Variants in RBFOX1 observed in about 807,000 individuals in gnomAD.
RBFOX1 encodes the protein RNA binding fox-1 homolog 1.
In RBFOX1, 8 loss-of-function variants were observed where a neutral mutation model predicts 57.7. The ratio of observed to expected loss-of-function variants is 0.14; its 90% CI spans 0.08 to 0.25. RBFOX1 has a LOEUF of 0.25. Ranked by LOEUF, RBFOX1 falls within the 10% of genes least tolerant of loss-of-function variation. The pLI, the probability that RBFOX1 is intolerant of heterozygous loss-of-function variation, is 1.00. For missense variants in RBFOX1, 611 were observed against 548.5 expected (o/e 1.11, Z -1.14); for synonymous variants, 326 against 222.4 (o/e 1.47, Z -4.15).
chr16:7,158,893 G>A lies in RBFOX1; in HGVS notation c.27+106795G>A, dbSNP rs140849361. Among the ~76,000 whole-genome samples the A allele has an allele frequency of 8.5e-5, 13 of 152,166 alleles. No individual in the cohort carries two copies. The East Asian group carries it at 1.5e-3, about 18-fold the overall frequency. On this transcript the variant is annotated intron_variant, in intron 4 of 15. Transcript: ENST00000550418. ...GTTTCTGTGGTGTGTCTTTGCACAC[G>A]TGTGTGTAATTATTTGTATTACAAA...
At chr16:5,572,883 G>A (rs910833292) in intron 2 of RBFOX1, among the ~76,000 whole-genome samples, 1 of 152,210 alleles carries the variant, frequency 6.6e-6, no homozygotes. Flanking sequence ...GTTGAGGCCA[G>A]ACAGGTAATG....
rs567761500 is a variant in RBFOX1, at chr16:5,947,897, G to A, written c.351+80562G>A. ...GTAACGGGAGTTTATGTAATTATTAGTTTGAATGGCTCTGCTCATTATGGT... is the reference window on the plus strand; with the variant it reads ...GTAACGGGAGTTTATGTAATTATTAATTTGAATGGCTCTGCTCATTATGGT... On this transcript the variant is annotated intron_variant, in intron 4 of 19. Coordinates refer to the RBFOX1 transcript ENST00000641259. The surrounding 1 kb of genome is among the most constrained non-coding windows in gnomAD (Gnocchi z 7.2). 1.1e-4 allele frequency among the ~76,000 whole-genome samples: 16 copies of A among 152,312 alleles called. No individual in the cohort carries two copies. Among genetic ancestry groups the A allele is most frequent in the Non-Finnish European group, 2.2e-4 (15 of 68,034 alleles).
intron 1 of RBFOX1, among the ~76,000 whole-genome samples, chr16:6,186,466 T>C (rs2097105884): frequency 6.6e-6 from 1 of 152,150 alleles, no homozygotes; most frequent in Admixed American, 6.5e-5. Context: ...ACTTGCTTGG[T>C]TAGAGAGTAG....
chr16:6,453,395 G>A (rs9932040), intron 2 of RBFOX1, among the ~76,000 whole-genome samples: 402 of 152,216 alleles, frequency 2.6e-3, no homozygotes, highest in African/African-American at 9.5e-3. Flanking sequence ...AGTTTGCTGA[G>A]AATGATGGTC....
intron 4 of RBFOX1, among the ~76,000 whole-genome samples, chr16:5,940,677 C>T (rs930140984): frequency 1.3e-5 from 2 of 152,200 alleles, no homozygotes; most frequent in African/African-American, 4.8e-5. Context: ...TGGTAAATCA[C>T]CATTTCAGCA....
chr16:5,741,244 C>G (rs557319838), intron 3 of RBFOX1, among the ~76,000 whole-genome samples: 1 of 152,174 alleles, frequency 6.6e-6, no homozygotes, highest in Admixed American at 6.5e-5. Context: ...ACCACCAGAG[C>G]AATCAGTGGG....
At chr16:6,048,522 C>G (rs191588572) in intron 1 of RBFOX1, among the ~76,000 whole-genome samples, 1 of 152,136 alleles carries the variant, frequency 6.6e-6, no homozygotes, top group Non-Finnish European at 1.5e-5. Context: ...AATGATGCAT[C>G]GTGGAAAGGT....
chr16:5,762,123 G>A (rs1156309646), intron 3 of RBFOX1, among the ~76,000 whole-genome samples: 1 of 152,192 alleles, frequency 6.6e-6, no homozygotes, highest in African/African-American at 2.4e-5. Flanking sequence ...AGTATACACT[G>A]TCTGGCAAAT....
chr16:5,857,701 C>A (rs533768566), intron 3 of RBFOX1, among the ~76,000 whole-genome samples: 18 of 151,994 alleles, frequency 1.2e-4, no homozygotes, highest in Admixed American at 2.0e-4. Context: ...ACGGGCAGAA[C>A]ACTTGAGCCC....
chr16:5,598,645 C>T (rs2047265872), intron 2 of RBFOX1, among the ~76,000 whole-genome samples: 1 of 151,710 alleles, frequency 6.6e-6, no homozygotes, highest in African/African-American at 2.4e-5. Context: ...TCCTGAAAAC[C>T]CAGTGACTAT....
At chr16:5,451,028 G>T (rs1046295620) in intron 1 of RBFOX1, among the ~76,000 whole-genome samples, 2 of 152,216 alleles carry the variant, frequency 1.3e-5, no homozygotes, top group African/African-American at 4.8e-5. Flanking sequence ...ATGTAACCTG[G>T]TTGGCCAGTG....
At chr16:7,688,789 C>T (rs2076691726) in intron 14 of RBFOX1, among the ~76,000 whole-genome samples, 1 of 152,094 alleles carries the variant, frequency 6.6e-6, no homozygotes. Flanking sequence ...TATGCCATTT[C>T]ATAATCAAGT....
chr16:5,834,721 A>AGATAGATAGATAGATAGATG (rs1567604166), intron 3 of RBFOX1, among the ~76,000 whole-genome samples: 2 of 135,196 alleles, frequency 1.5e-5, no homozygotes, highest in African/African-American at 6.1e-5. Flanking sequence ...ATAGATACAT[A>AGATAGATAGATAGATAGATG]GATACATAGA....
intron 4 of RBFOX1, among the ~76,000 whole-genome samples, chr16:7,169,130 A>G (rs185751922): frequency 1.3e-5 from 2 of 152,348 alleles, no homozygotes; most frequent in East Asian, 3.9e-4. Flanking sequence ...GTTCTCACCT[A>G]TTAAGAAGGC....
intron 1 of RBFOX1, among the ~76,000 whole-genome samples, chr16:6,114,300 G>C (rs11860225): frequency 6.6e-6 from 1 of 152,024 alleles, no homozygotes; most frequent in Non-Finnish European, 1.5e-5. Flanking sequence ...ACCATTTTAC[G>C]GTTACAGTCT....
rs2084226809 is a variant in RBFOX1 at position 7,713,035 on chromosome 16, A to G, written c.*2290A>G. The G allele has an allele frequency of 6.6e-6, 1 of 152,226 alleles. No individual in the cohort carries two copies. Among genetic ancestry groups the G allele is most frequent in the Non-Finnish European group, 1.5e-5 (1 of 68,038 alleles). The allele number at this position is 152,226 out of a possible 1,614,324, so 9.4% of individuals were successfully genotyped here. The stretch of plus-strand genomic sequence containing the variant: ...CAGAATCTTTTGTCTAGGCACTCCA[A>G]GATGCCAATAAGTCATTTTAAAATG... On this transcript the variant is annotated 3_prime_UTR_variant, in exon 16 of 16. Coordinates refer to ENST00000550418, the MANE Select transcript of RBFOX1 (RefSeq NM_018723.4).
chr16:7,632,238 C>T (rs999122714), intron 11 of RBFOX1, among the ~76,000 whole-genome samples: 2 of 152,152 alleles, frequency 1.3e-5, no homozygotes, highest in African/African-American at 4.8e-5. Context: ...GCAATTTTGG[C>T]ATTAATTAAA....
chr16:6,277,458 CAA>C lies in RBFOX1; in HGVS notation c.-126-39518_-126-39517del, dbSNP rs59733415. Among the ~76,000 whole-genome samples the C allele has an allele frequency of 9.5e-3, 771 of 80,832 alleles. 5 individuals are homozygous for C. Among genetic ancestry groups the C allele is most frequent in the Non-Finnish European group, 0.01 (432 of 41,696 alleles). The allele number at this position is 80,832 out of a possible 152,430, so 53.0% of individuals were successfully genotyped here. On this transcript the variant is annotated intron_variant, in intron 1 of 15. Coordinates refer to ENST00000550418, the MANE Select transcript of RBFOX1 (RefSeq NM_018723.4). ...AGTGACAGAACAAGAGTCTGTCTCC[CAA>C]AAAAAAAAAAAAAAAAAACCTCAAT...
chr16:6,267,339 G>T (rs190189368), intron 1 of RBFOX1, among the ~76,000 whole-genome samples: 2 of 152,304 alleles, frequency 1.3e-5, no homozygotes, highest in East Asian at 3.9e-4. Context: ...ATATTATTTG[G>T]TGATTTGTTT....
Sources: allele counts gnomAD v4.1 joint callset (sites outside exome capture counted in the v4.1 genomes callset), GRCh38; gene constraint gnomAD v4.1.1; non-coding constraint Gnocchi (gnomAD v3.1); transcripts MANE v1.5; gene names NCBI Gene and HGNC (gene_info 2026-07-23, HGNC 2026-07-21).